The following MED17 variants were observed in gnomAD, a reference collection of about 807,000 sequenced individuals.
MED17 encodes the protein mediator complex subunit 17.
MED17 carries 49 observed loss-of-function variants against 80.8 expected under a neutral mutation model. The observed-to-expected ratio is 0.61, with a 90% CI of 0.48 to 0.77. The LOEUF (loss-of-function observed/expected upper bound fraction) is 0.77. MED17 is among the 30% of genes least tolerant of loss of function. The pLI, the probability that MED17 is intolerant of heterozygous loss-of-function variation, is 0.00. For missense variants in MED17, 718 were observed against 787.0 expected (o/e 0.91, Z 1.05); for synonymous variants, 281 against 280.4 (o/e 1.00, Z -0.02).
At chr11:93,809,184 C>T (rs1355815148) in intron 10 of MED17, 1 of 213,790 alleles carries the variant, frequency 4.7e-6, no homozygotes, top group Non-Finnish European at 9.5e-6. Context: ...GTAGAACAGT[C>T]CATCTTGAGA....
At chr11:93,785,595 A>C (rs1943760845) in intron 1 of MED17, among the ~76,000 whole-genome samples, 1 of 152,248 alleles carries the variant, frequency 6.6e-6, no homozygotes, top group Non-Finnish European at 1.5e-5. Flanking sequence ...CACAAAAATT[A>C]TTTCCACAGT....
At position 93,784,550 on chromosome 11, in the gene MED17, T is replaced by C. The variant is rs550607652; in HGVS notation, c.37T>C (p.Ser13Pro). Residue 13 changes from serine (S) to proline (P), a missense_variant, in exon 1 of 12, where the codon TCG becomes CCG. Coordinates refer to ENST00000251871, the MANE Select transcript of MED17 (RefSeq NM_004268.5). Reference sequence around the variant, plus strand: ...GCGCGCAGTGCGGATCAGCATCGAATCGGCCTGCGAGAAGCAGGTCCATGA... The same window carrying C: ...GCGCGCAGTGCGGATCAGCATCGAACCGGCCTGCGAGAAGCAGGTCCATGA... ...GVRAVRISIE[S>P]ACEKQVHEVG... The C allele has an allele frequency of 6.2e-7, 1 of 1,612,394 alleles. No homozygotes were observed. Among genetic ancestry groups the C allele is most frequent in the Non-Finnish European group, 8.5e-7 (1 of 1,179,798 alleles).
At chr11:93,793,034 G>A (rs1290420540) in intron 3 of MED17, 1 of 150,222 alleles carries the variant, frequency 6.7e-6, no homozygotes, top group African/African-American at 2.4e-5. Context: ...TGGATGCAGA[G>A]CACTTAGTTG....
chr11:93,804,022 TATATACACAC>T (rs1565293298), intron 9 of MED17, among the ~76,000 whole-genome samples: 1,619 of 12,420 alleles, frequency 0.13, 36 homozygotes, highest in African/African-American at 0.15. Flanking sequence ...TATATATATA[TATATACACAC>T]ACACATATAC....
rs755384457 is a variant in MED17 at position 93,809,790 on chromosome 11, A to G, written c.1658A>G (p.Asn553Ser). The change falls in exon 11 of 12, where the codon AAT becomes AGT. Residue 553 changes from asparagine (N) to serine (S), a missense_variant. Physicochemically the swap from Asn to Ser is conservative, Grantham distance 46. Transcript: ENST00000251871. ...GGCTGGCAAGTACTGAGCTTCAGTA[A>G]TCATGTGGGACTTGGACCTATAGAG... ...VMGWQVLSFS[N>S]HVGLGPIESI... The G allele has an allele frequency of 6.2e-7, 1 of 1,614,152 alleles. No individual in the cohort carries two copies. Among genetic ancestry groups the G allele is most frequent in the South Asian group, 1.1e-5 (1 of 91,084 alleles).
intron 6 of MED17, chr11:93,795,795 T>G (rs1489211200): frequency 6.4e-6 from 1 of 155,314 alleles, no homozygotes; most frequent in Non-Finnish European, 1.4e-5. Flanking sequence ...TTTTACGCAG[T>G]AAGACTGCCT....
rs371930821 is a variant in MED17 at position 93,787,179 on chromosome 11, C to T, written c.251-822C>T. Among the ~76,000 whole-genome samples the T allele has an allele frequency of 1.2e-4, 18 of 152,150 alleles. No homozygotes were observed. The East Asian group carries it at 3.1e-3, about 26-fold the overall frequency. ...CTGTAATCCCAGCACTTTCGGAGGCCGGGGCAGGCAGATCACGAGGTCAGG... is the reference window on the plus strand; with the variant it reads ...CTGTAATCCCAGCACTTTCGGAGGCTGGGGCAGGCAGATCACGAGGTCAGG... On this transcript the variant is annotated intron_variant, in intron 1 of 11. Transcript: ENST00000251871.
intron 8 of MED17, among the ~76,000 whole-genome samples, chr11:93,798,695 T>C (rs1943931012): frequency 6.6e-6 from 1 of 152,190 alleles, no homozygotes; most frequent in Non-Finnish European, 1.5e-5. Context: ...ATTTAGTGTC[T>C]ATGGTCCCCC....
At chr11:93,809,927 A>G (rs757279223) in intron 11 of MED17, 51 bp downstream of exon 11, 45 of 1,590,774 alleles carry the variant, frequency 2.8e-5, no homozygotes, top group Non-Finnish European at 8.6e-7. Flanking sequence ...TTTGGCTTTA[A>G]CATTTAGTTT....
Position 93,798,674 on chromosome 11 carries a change from TC to T in MED17, c.1328+956del, listed in dbSNP as rs376633239. 5.4e-4 allele frequency among the ~76,000 whole-genome samples: 82 copies of T among 152,206 alleles called. 1 individual carries two copies. The highest frequency in any genetic ancestry group is 1.0e-3 in the Non-Finnish European group (71 of 67,998). On this transcript the variant is annotated intron_variant, in intron 8 of 11. Coordinates refer to ENST00000251871, the MANE Select transcript of MED17 (RefSeq NM_004268.5). Reference sequence around the variant, plus strand: ...AGGCTCAACCACTTGCTAAATAACTTCGAGCAAGGGATTTAGTGTCTATGGT... The same window carrying T: ...AGGCTCAACCACTTGCTAAATAACTTGAGCAAGGGATTTAGTGTCTATGGT...
At chr11:93,807,903 T>A (rs1403326762) in intron 10 of MED17, 1 of 464,238 alleles carries the variant, frequency 2.2e-6, no homozygotes. Flanking sequence ...TTCCCACATG[T>A]CATATTTGTG....
chr11:93,801,948 C>G lies in MED17; in HGVS notation c.1442C>G (p.Ser481Ter). Residue 481 changes from serine to a stop codon, truncating the protein, a stop_gained, in exon 9 of 12, where the codon TCA becomes TGA. Transcript: ENST00000251871. LOFTEE classifies it high-confidence loss of function. Reference sequence around the variant, plus strand: ...TCTAGTGTGAAAGTTTTAATCACATCACAAGGCTATGAACAAATATGCAAG... The same window carrying G: ...TCTAGTGTGAAAGTTTTAATCACATGACAAGGCTATGAACAAATATGCAAG... ...YESSVKVLITSQGYEQICKSI... is the reference protein window; with the variant it reads ...YESSVKVLIT The G allele has an allele frequency of 6.2e-7, 1 of 1,612,320 alleles. No individual in the cohort carries two copies. Among genetic ancestry groups the G allele is most frequent in the Non-Finnish European group, 8.5e-7 (1 of 1,179,566 alleles).
chr11:93,794,282 G>A (rs1053395004), intron 5 of MED17: 24 of 365,680 alleles, frequency 6.6e-5, no homozygotes, highest in South Asian at 2.2e-4. Context: ...TCGGCTCACC[G>A]CAACGTCTAC....
chr11:93,793,135 T>TTTTTTTTTTTTTTTTTTTTTA (rs1943858158), intron 3 of MED17: 1 of 144,956 alleles, frequency 6.9e-6, no homozygotes, highest in Non-Finnish European at 1.5e-5. Flanking sequence ...TTTTTTTTTT[T>TTTTTTTTTTTTTTTTTTTTTA]GAGACAGAGT....
Position 93,791,704 on chromosome 11 carries a change from A to C in MED17, c.637+911A>C, listed in dbSNP as rs188263539. Among the ~76,000 whole-genome samples, 1,024 of 151,866 alleles carry C rather than the reference A, an allele frequency of 6.7e-3. 19 individuals carry two copies. Among genetic ancestry groups the C allele is most frequent in the African/African-American group, 0.023 (935 of 41,410 alleles). ...CTGACCTTGTCTCAAAAAAAACCCCAAAAAAAACCAAACGAAAACTGGACA... is the reference window on the plus strand; with the variant it reads ...CTGACCTTGTCTCAAAAAAAACCCCCAAAAAAACCAAACGAAAACTGGACA... On this transcript the variant is annotated intron_variant, in intron 3 of 11. Coordinates refer to ENST00000251871, the MANE Select transcript of MED17 (RefSeq NM_004268.5).
In MED17 at chr11:93,793,721, A is replaced by G. The variant is rs1168464935; in HGVS notation, c.638-7A>G. On this transcript the variant is annotated splice_region_variant and splice_polypyrimidine_tract_variant and intron_variant, in intron 3 of 11. Coordinates refer to ENST00000251871, the MANE Select transcript of MED17 (RefSeq NM_004268.5). Reference sequence around the variant, plus strand: ...TTTATATTTTCCTATTTTTAATACAACATTAGGATCTCTCTTTCCTCATCA... The same window carrying G: ...TTTATATTTTCCTATTTTTAATACAGCATTAGGATCTCTCTTTCCTCATCA... 6.5e-7 allele frequency: 1 copy of G among 1,546,760 alleles called. No homozygotes were observed. Among genetic ancestry groups the G allele is most frequent in the East Asian group, 2.2e-5 (1 of 44,474 alleles).
rs751411819 is a variant in MED17 at position 93,801,829 on chromosome 11, T to G, written c.1329-6T>G. 3.7e-6 allele frequency: 6 copies of G among 1,610,958 alleles called. No individual in the cohort carries two copies. The South Asian group carries it at 5.5e-5, about 15-fold the overall frequency. On this transcript the variant is annotated splice_polypyrimidine_tract_variant and splice_region_variant and intron_variant, in intron 8 of 11. Coordinates refer to ENST00000251871, the MANE Select transcript of MED17 (RefSeq NM_004268.5). ...AAAAAGTTTTTTAACTTCTTGTATT[T>G]AAAAGAGCTGCTGCAACCATTGACA... is the stretch of plus-strand genomic sequence containing the variant.
intron 9 of MED17, among the ~76,000 whole-genome samples, chr11:93,802,544 C>A (rs371398092): frequency 2.0e-5 from 3 of 152,108 alleles, no homozygotes; most frequent in Admixed American, 6.5e-5. Context: ...CTGGGGTAAA[C>A]AATGAACCCC....
intron 9 of MED17, among the ~76,000 whole-genome samples, 185 bp downstream of exon 9, chr11:93,802,157 T>A (rs981918973): frequency 6.6e-6 from 1 of 152,026 alleles, no homozygotes; most frequent in African/African-American, 2.4e-5. Context: ...CAGGTTGGAG[T>A]GCAGTGATGA....
Sources: gnomAD v4.1 joint callset for allele counts (sites outside exome capture counted in the v4.1 genomes callset) on GRCh38, gnomAD v4.1.1 for gene constraint, MANE v1.5 for transcripts, NCBI Gene and HGNC (gene_info 2026-07-23, HGNC 2026-07-21) for gene names.